PLXNA4: variants seen among roughly 807,000 people sequenced by gnomAD.
The protein encoded by PLXNA4 is plexin-A4.
In PLXNA4, 44 loss-of-function variants were observed where a neutral mutation model predicts 191.8. That is an observed-to-expected ratio of 0.23 (90% CI 0.18 to 0.29). PLXNA4 has a LOEUF of 0.29. Among genes scored for constraint, PLXNA4 ranks in the 10% least tolerant of loss-of-function variants. The pLI, the probability that PLXNA4 is intolerant of heterozygous loss-of-function variation, is 1.00. For missense variants in PLXNA4, 1,800 were observed against 2,488.8 expected, an observed-to-expected ratio of 0.72 and a Z score of 5.89; for synonymous variants, 1,082 against 1,009.5, an observed-to-expected ratio of 1.07 and a Z score of -1.36.
chr7:132,566,999 G>A (rs1801758409), intron 1 of PLXNA4, among the ~76,000 whole-genome samples: 1 of 152,086 alleles, frequency 6.6e-6, no homozygotes. Flanking sequence ...CCAGTTGAAG[G>A]TCACCATCTC....
chr7:132,526,779 C>T (rs951921754), intron 1 of PLXNA4, among the ~76,000 whole-genome samples: 1 of 152,174 alleles, frequency 6.6e-6, no homozygotes, highest in South Asian at 2.1e-4. Context: ...GTCACTAGGA[C>T]TGATGGCACA....
chr7:132,423,339 C>A (rs901892913), intron 3 of PLXNA4, among the ~76,000 whole-genome samples: 6 of 152,192 alleles, frequency 3.9e-5, no homozygotes, highest in African/African-American at 1.4e-4. Flanking sequence ...AGGGACGCTC[C>A]CAAGTCCACT....
chr7:132,141,331 T>A (rs1300982636), intron 29 of PLXNA4, among the ~76,000 whole-genome samples: 1 of 152,136 alleles, frequency 6.6e-6, no homozygotes, highest in Non-Finnish European at 1.5e-5. Context: ...CTACTGGGGC[T>A]GAGAAGTACA....
intron 4 of PLXNA4, among the ~76,000 whole-genome samples, chr7:132,292,184 G>A (rs940816196): frequency 1.3e-5 from 2 of 152,118 alleles, no homozygotes; most frequent in East Asian, 1.9e-4. Context: ...ACTGTTTCAC[G>A]ACTACTAAAA....
intron 3 of PLXNA4, among the ~76,000 whole-genome samples, chr7:132,422,678 T>C (rs1294396223): frequency 1.3e-5 from 2 of 152,192 alleles, no homozygotes; most frequent in East Asian, 3.9e-4. Context: ...TGCCAGTTTA[T>C]TGTCTATTAG....
chr7:132,248,521 G>A (rs1799136143), intron 4 of PLXNA4, among the ~76,000 whole-genome samples: 1 of 152,200 alleles, frequency 6.6e-6, no homozygotes, highest in Non-Finnish European at 1.5e-5. Flanking sequence ...GGAGGAGGGG[G>A]AAGGTTGCAG....
At chr7:132,502,012 A>G (rs1422965259) in intron 2 of PLXNA4, among the ~76,000 whole-genome samples, 1 of 152,224 alleles carries the variant, frequency 6.6e-6, no homozygotes, top group Non-Finnish European at 1.5e-5. Flanking sequence ...CTAATGCCAT[A>G]AACAACAGGA....
intron 3 of PLXNA4, among the ~76,000 whole-genome samples, chr7:132,335,077 A>G (rs1424589): frequency 0.12 from 18,424 of 152,114 alleles, 1,389 homozygotes; most frequent in Admixed American, 0.22. Context: ...CAAACTTGAT[A>G]CTCCTTAATC....
At chr7:132,367,239 C>CCTGGG (rs1393254731) in intron 3 of PLXNA4, among the ~76,000 whole-genome samples, 2 of 152,152 alleles carry the variant, frequency 1.3e-5, no homozygotes, top group African/African-American at 4.8e-5. Context: ...GCTGAGTAGC[C>CCTGGG]CTGGGCTGGG....
chr7:132,185,261 G>C (rs1264716864), intron 16 of PLXNA4, 38 bp downstream of exon 16: 1 of 1,580,296 alleles, frequency 6.3e-7, no homozygotes, highest in Non-Finnish European at 8.6e-7. Context: ...GGAAACAGAG[G>C]TGCAGAAGCA....
At chr7:132,360,386 G>A (rs763183888) in intron 3 of PLXNA4, among the ~76,000 whole-genome samples, 1 of 152,086 alleles carries the variant, frequency 6.6e-6, no homozygotes, top group Admixed American at 6.5e-5. Flanking sequence ...ATTCATCCCC[G>A]CCAGGTCCCA....
intron 3 of PLXNA4, among the ~76,000 whole-genome samples, chr7:132,341,317 GCACACT>G (rs1803018159): frequency 6.6e-6 from 1 of 152,010 alleles, no homozygotes; most frequent in African/African-American, 2.4e-5. Flanking sequence ...CAATTGTACA[GCACACT>G]ATAATTTTAT....
chr7:132,322,662 G>A (rs1041812111), intron 3 of PLXNA4, among the ~76,000 whole-genome samples: 1 of 152,198 alleles, frequency 6.6e-6, no homozygotes, highest in African/African-American at 2.4e-5. Flanking sequence ...CCACATAGGT[G>A]AGTTGCTCCG....
intron 4 of PLXNA4, among the ~76,000 whole-genome samples, chr7:132,267,468 T>C (rs1799900592): frequency 6.6e-6 from 1 of 152,170 alleles, no homozygotes. Context: ...TAGTATATCT[T>C]CCAGCTAATC....
intron 3 of PLXNA4, among the ~76,000 whole-genome samples, chr7:132,449,755 G>A (rs566574908): frequency 5.3e-5 from 8 of 152,218 alleles, no homozygotes; most frequent in Admixed American, 6.5e-5. Context: ...CTGGGCTGGG[G>A]CACTGCCTCA....
At chr7:132,287,765 G>A (rs189532140) in intron 4 of PLXNA4, among the ~76,000 whole-genome samples, 2 of 152,162 alleles carry the variant, frequency 1.3e-5, no homozygotes, top group African/African-American at 4.8e-5. Flanking sequence ...CCTCTGTGAG[G>A]TGAGGCTGGT....
At chr7:132,351,522 C>T (rs1235052919) in intron 3 of PLXNA4, among the ~76,000 whole-genome samples, 3 of 152,200 alleles carry the variant, frequency 2.0e-5, no homozygotes, top group East Asian at 1.9e-4. Context: ...CTCCAGCTTC[C>T]TGGGAGGGGA....
chr7:132,132,450 C>CTGT lies in PLXNA4; in HGVS notation c.5589+596_5589+598dup, dbSNP rs1195407007. 5.4e-4 allele frequency among the ~76,000 whole-genome samples: 26 copies of CTGT among 48,100 alleles called. No homozygotes were observed. In the South Asian group the frequency reaches 0.012, roughly 23 times the overall value. 31.6% of individuals were successfully genotyped at this position (48,100 alleles called of 152,430 possible). On this transcript the variant is annotated intron_variant, in intron 31 of 31. Transcript: ENST00000321063. ...CTGTTCTGTTCTGTTCTGTTCTGTT[C>CTGT]TGTTCTGTTCTGTTCTGCTCTGCTC...
rs186329452 is a variant in PLXNA4, at chr7:132,386,924, C to T, written c.1372-88702G>A. Among the ~76,000 whole-genome samples, 384 of 152,316 alleles carry T rather than the reference C, an allele frequency of 2.5e-3. 1 individual carries two copies. The highest frequency in any genetic ancestry group is 8.8e-3 in the African/African-American group (365 of 41,550). On this transcript the variant is annotated intron_variant, in intron 3 of 31. Coordinates refer to ENST00000321063, the MANE Select transcript of PLXNA4 (RefSeq NM_020911.2). ...TGAAGGGCCATTCTGTAAAATTTCCCATCTACTGTAGATGGATACTTTTGT... is the reference window on the plus strand; with the variant it reads ...TGAAGGGCCATTCTGTAAAATTTCCTATCTACTGTAGATGGATACTTTTGT...
Sources: gnomAD v4.1 joint callset for allele counts (sites outside exome capture counted in the v4.1 genomes callset) on GRCh38, gnomAD v4.1.1 for gene constraint, MANE v1.5 for transcripts, NCBI Gene and HGNC (gene_info 2026-07-23, HGNC 2026-07-21) for gene names.